KCNQ4: variants seen among roughly 807,000 people sequenced by gnomAD.
The protein encoded by KCNQ4 is potassium voltage-gated channel subfamily Q member 4.
In KCNQ4, 31 loss-of-function variants were observed where a neutral mutation model predicts 72.6. That is an observed-to-expected ratio of 0.43 (90% CI 0.32 to 0.58). The LOEUF (loss-of-function observed/expected upper bound fraction) is 0.58, where lower values mean the gene tolerates loss of function less well. Among genes scored for constraint, KCNQ4 ranks in the 20% least tolerant of loss-of-function variants. The pLI is 0.08. For synonymous variants in KCNQ4, 405 were observed against 403.7 expected (o/e 1.00, Z -0.04); for missense variants, 869 against 962.6 (o/e 0.90, Z 1.29).
At chr1:40,834,817 G>A in intron 11 of KCNQ4, 150 bp from the exon 12 acceptor site, 2 of 982,460 alleles carry the variant, frequency 2.0e-6, no homozygotes, top group East Asian at 2.9e-5. Context: ...GGAGGTAGGG[G>A]AGGCTGGGAG....
intron 1 of KCNQ4, among the ~76,000 whole-genome samples, chr1:40,816,403 G>A (rs1648088217): frequency 1.3e-5 from 2 of 152,050 alleles, no homozygotes; most frequent in South Asian, 4.1e-4. Context: ...CATGCCCTTG[G>A]TCCTCTTCCC....
At chr1:40,824,375 G>T (rs1648411698) in intron 9 of KCNQ4, 117 bp downstream of exon 9, 2 of 1,161,982 alleles carry the variant, frequency 1.7e-6, no homozygotes, top group Admixed American at 4.2e-5. Flanking sequence ...GGGCCTGTTT[G>T]GGGGACTCCT....
At chr1:40,800,229 C>T (rs759169978) in intron 1 of KCNQ4, among the ~76,000 whole-genome samples, 1 of 151,998 alleles carries the variant, frequency 6.6e-6, no homozygotes, top group Non-Finnish European at 1.5e-5. Flanking sequence ...TACCCAAGGC[C>T]CCTCCCAGGG....
intron 1 of KCNQ4, among the ~76,000 whole-genome samples, chr1:40,789,497 G>A (rs561842332): frequency 6.5e-4 from 99 of 152,202 alleles, no homozygotes; most frequent in Non-Finnish European, 1.3e-3. Context: ...CTTGGTCTTT[G>A]TAAGGAGCTG....
rs868481285 is a variant in KCNQ4, at chr1:40,794,946, G to A, written c.314+10539G>A. Among the ~76,000 whole-genome samples the A allele has an allele frequency of 2.5e-4, 29 of 116,210 alleles. No individual in the cohort carries two copies. Among genetic ancestry groups the A allele is most frequent in the African/African-American group, 9.0e-4 (27 of 30,046 alleles). The allele number at this position is 116,210 out of a possible 152,430, so 76.2% of individuals were successfully genotyped here. A position where few individuals can be genotyped will look rare whatever the true frequency, so the allele number is the denominator to read the frequency against. ...ACTTTGCAGTGAGGACCAACCCAAG[G>A]CTCTTTCCTAAGATTGGGTTGGGCG... On this transcript the variant is annotated intron_variant, in intron 1 of 13. Transcript: ENST00000347132. The surrounding 1 kb of genome is among the most constrained non-coding windows in gnomAD (Gnocchi z 4.2).
chr1:40,826,532 T>A (rs1648482406), intron 9 of KCNQ4: 1 of 396,704 alleles, frequency 2.5e-6, no homozygotes, highest in African/African-American at 2.0e-5. Context: ...GGGTCCTTCT[T>A]TCCCACCAGC....
At chr1:40,819,500 C>T (rs372686396) in intron 5 of KCNQ4, 28 bp downstream of exon 5, 4 of 1,612,654 alleles carry the variant, frequency 2.5e-6, no homozygotes, top group African/African-American at 2.7e-5. Context: ...TAGGGCTGCC[C>T]TTCTCCCTGG....
In KCNQ4 at chr1:40,835,347, T is replaced by C. The variant is rs729589; in HGVS notation, c.1745+249T>C. On this transcript the variant is annotated intron_variant, in intron 12 of 13. Transcript: ENST00000347132. ...TCTGTGCAAGCCCTATTGACTCATA[T>C]GCCTTGGGGGCTTTGTTTAGAATGA... 0.45 allele frequency among the ~76,000 whole-genome samples: 69,026 copies of C among 152,196 alleles called. 17,299 individuals carry two copies. The highest frequency in any genetic ancestry group is 0.78 in the East Asian group (4,030 of 5,174).
chr1:40,802,620 TGAG>T (rs1467095376), intron 1 of KCNQ4, among the ~76,000 whole-genome samples: 2 of 151,518 alleles, frequency 1.3e-5, no homozygotes, highest in Non-Finnish European at 1.5e-5. Context: ...GCGCCCCTGC[TGAG>T]GAGAAGGAGC....
At position 40,819,472 on chromosome 1, in the gene KCNQ4, G is replaced by C. The variant is rs766877660; in HGVS notation, c.834G>C (p.Thr278=). The C allele has an allele frequency of 1.2e-5, 20 of 1,613,672 alleles. No individual in the cohort carries two copies. Among genetic ancestry groups the C allele is most frequent in the Non-Finnish European group, 1.7e-5 (20 of 1,179,914 alleles). ...ACGCCGACTCGCTCTGGTGGGGGACGGTGCGTGAGGGTCTTTGTAGGGCTG... is the reference window on the plus strand; with the variant it reads ...ACGCCGACTCGCTCTGGTGGGGGACCGTGCGTGAGGGTCTTTGTAGGGCTG... ...SSYADSLWWG[T]ITLTTIGYGD... The change falls in exon 5 of 14, where the codon ACG becomes ACC. Residue 278 remains threonine, a splice_region_variant and synonymous_variant. Transcript: ENST00000347132.
chr1:40,831,276 G>C lies in KCNQ4; in HGVS notation c.1485G>C (p.Leu495=). ...FNDRTRFRAS[L]RLKPRTSAED... ...ACCGCACCCGCTTCCGGGCATCTCT[G>C]AGACTCAAACCCCGCACCTCTGCTG... The change falls in exon 10 of 14, where the codon CTG becomes CTC. Residue 495 remains leucine, a synonymous_variant. Coordinates refer to ENST00000347132, the MANE Select transcript of KCNQ4 (RefSeq NM_004700.4). The C allele has an allele frequency of 2.5e-6, 4 of 1,604,932 alleles. No homozygotes were observed. Among genetic ancestry groups the C allele is most frequent in the South Asian group, 1.1e-5 (1 of 89,172 alleles).
chr1:40,828,305 T>G (rs985255894), intron 9 of KCNQ4, among the ~76,000 whole-genome samples: 6 of 152,220 alleles, frequency 3.9e-5, no homozygotes, highest in African/African-American at 1.2e-4. Flanking sequence ...CAACAGATCC[T>G]TAGCCAGAGT....
intron 11 of KCNQ4, among the ~76,000 whole-genome samples, chr1:40,833,407 T>TAA (rs760155849): frequency 8.6e-4 from 125 of 145,644 alleles, no homozygotes; most frequent in African/African-American, 3.1e-3. Flanking sequence ...TGAAACTGTA[T>TAA]AAAAAAAAAA....
chr1:40,789,909 TC>T (rs1253233430), intron 1 of KCNQ4, among the ~76,000 whole-genome samples: 3 of 152,112 alleles, frequency 2.0e-5, no homozygotes, highest in African/African-American at 7.2e-5. Context: ...CCAGGGAACT[TC>T]CCCAGACTCC....
In KCNQ4 at chr1:40,818,503, A is replaced by C; in HGVS notation, c.533-2A>C. The C allele has an allele frequency of 6.3e-7, 1 of 1,598,666 alleles. No individual in the cohort carries two copies. Among genetic ancestry groups the C allele is most frequent in the Non-Finnish European group, 8.5e-7 (1 of 1,178,866 alleles). On this transcript the variant is annotated splice_acceptor_variant, in intron 3 of 13. Coordinates refer to ENST00000347132, the MANE Select transcript of KCNQ4 (RefSeq NM_004700.4). LOFTEE classifies it high-confidence loss of function. ...GTGATCTCGCCGCCCCCGCCCCTGC[A>C]GACTTCATCGTGTTCGTGGCCTCGG...
At chr1:40,786,485 C>G (rs1441456569) in intron 1 of KCNQ4, among the ~76,000 whole-genome samples, 3 of 152,166 alleles carry the variant, frequency 2.0e-5, no homozygotes, top group African/African-American at 7.2e-5. Flanking sequence ...TTGTCCTGAC[C>G]ACTTGTCCCC....
Position 40,837,692 on chromosome 1 carries a change from C to T in KCNQ4, c.1773C>T (p.Pro591=). ...TGGACCAAATTGTGGGTCGGGGGCC[C>T]GGGGACAGGAAGGCCCGGGAGAAGG... ...TRVDQIVGRG[P]GDRKAREKGD... The change falls in exon 13 of 14, where the codon CCC becomes CCT. Residue 591 remains proline (P), a synonymous_variant. Transcript: ENST00000347132. The T allele has an allele frequency of 6.2e-7, 1 of 1,613,038 alleles. No individual in the cohort carries two copies. The highest frequency in any genetic ancestry group is 1.3e-5 in the African/African-American group (1 of 74,994).
At chr1:40,834,249 G>A (rs1648744012) in intron 11 of KCNQ4, among the ~76,000 whole-genome samples, 1 of 152,068 alleles carries the variant, frequency 6.6e-6, no homozygotes, top group South Asian at 2.1e-4. Flanking sequence ...CCCATTTCAG[G>A]CAGTGGCACC....
chr1:40,825,665 C>T (rs779918317), intron 9 of KCNQ4, among the ~76,000 whole-genome samples: 2 of 152,098 alleles, frequency 1.3e-5, no homozygotes, highest in South Asian at 2.1e-4. Flanking sequence ...ATTCTCTGCC[C>T]GAAGGTCCCT....
Sources: gnomAD v4.1 joint callset for allele counts (sites outside exome capture counted in the v4.1 genomes callset) on GRCh38, gnomAD v4.1.1 for gene constraint, Gnocchi (gnomAD v3.1) non-coding constraint, MANE v1.5 for transcripts, NCBI Gene and HGNC (gene_info 2026-07-23, HGNC 2026-07-21) for gene names.